The following KCNMA1 variants were observed in gnomAD, a reference collection of about 807,000 sequenced individuals.
The protein encoded by KCNMA1 is Calcium-activated potassium channel subunit alpha-1.
Under a neutral mutation model 140.0 loss-of-function variants are expected in KCNMA1, and 29 were observed. The observed-to-expected ratio is 0.21, with a 90% CI of 0.15 to 0.28. KCNMA1 has a LOEUF of 0.28. KCNMA1 is among the 10% of genes least tolerant of loss of function. The pLI is 1.00. For synonymous variants in KCNMA1, 612 were observed against 611.9 expected, an observed-to-expected ratio of 1.00 and a Z score of 0.00; for missense variants, 880 against 1,602.2, an observed-to-expected ratio of 0.55 and a Z score of 7.70.
intron 2 of KCNMA1, among the ~76,000 whole-genome samples, chr10:77,324,971 C>CTCTCTCTCTCTCTCTGTGTG (rs766240356): frequency 2.2e-5 from 2 of 90,376 alleles, no homozygotes; most frequent in Non-Finnish European, 4.3e-5. Context: ...CTCTCTCTCT[C>CTCTCTCTCTCTCTCTGTGTG]TGTGTGTGTG....
intron 1 of KCNMA1, among the ~76,000 whole-genome samples, chr10:77,602,244 C>T (rs1233019666): frequency 6.6e-6 from 1 of 152,158 alleles, no homozygotes; most frequent in East Asian, 1.9e-4. Context: ...GTTCTGAGCA[C>T]TCTCATGTCT....
chr10:77,603,922 G>A (rs1462796123), intron 1 of KCNMA1, among the ~76,000 whole-genome samples: 2 of 152,158 alleles, frequency 1.3e-5, no homozygotes, highest in African/African-American at 2.4e-5. Context: ...TCCCCTACCT[G>A]CAACATGAGG....
chr10:77,485,393 T>A (rs2098449106), intron 1 of KCNMA1, among the ~76,000 whole-genome samples: 1 of 152,230 alleles, frequency 6.6e-6, no homozygotes, highest in Non-Finnish European at 1.5e-5. Flanking sequence ...GTTTCTAATT[T>A]CTGATCATTA....
intron 5 of KCNMA1, among the ~76,000 whole-genome samples, chr10:77,164,822 C>T (rs2098618482): frequency 6.6e-6 from 1 of 152,148 alleles, no homozygotes; most frequent in Admixed American, 6.6e-5. Context: ...GAACGTGTTT[C>T]CTCCTGGGAA....
At chr10:77,573,836 C>CT (rs71028290) in intron 1 of KCNMA1, among the ~76,000 whole-genome samples, 21,373 of 133,652 alleles carry the variant, frequency 0.16, 2,166 homozygotes, top group Middle Eastern at 0.24. Context: ...TTATAATACT[C>CT]TTTTTTTTTT....
intron 1 of KCNMA1, among the ~76,000 whole-genome samples, chr10:77,620,264 C>T (rs570418397): frequency 3.5e-4 from 53 of 152,174 alleles, no homozygotes; most frequent in African/African-American, 1.2e-3. Flanking sequence ...GCCTGGCCGC[C>T]GGGCCTGGCC....
chr10:77,543,149 A>G (rs1005574883), intron 1 of KCNMA1, among the ~76,000 whole-genome samples: 7 of 152,138 alleles, frequency 4.6e-5, no homozygotes, highest in African/African-American at 1.4e-4. Flanking sequence ...CCCCTCCTAT[A>G]TCCCCTCATT....
intron 14 of KCNMA1, chr10:77,063,938 A>T (rs1163298711): frequency 1.0e-6 from 1 of 985,298 alleles, no homozygotes; most frequent in East Asian, 1.1e-4. Context: ...CACATCAGTG[A>T]CTATATCCTG....
At chr10:77,273,672 C>G (rs1376411053) in intron 2 of KCNMA1, among the ~76,000 whole-genome samples, 1 of 152,098 alleles carries the variant, frequency 6.6e-6, no homozygotes, top group Non-Finnish European at 1.5e-5. Flanking sequence ...GAGGACAGTC[C>G]TTCAGGCAGG....
At chr10:77,560,230 C>T (rs531347149) in intron 1 of KCNMA1, among the ~76,000 whole-genome samples, 4 of 152,264 alleles carry the variant, frequency 2.6e-5, no homozygotes, top group African/African-American at 9.6e-5. Context: ...TATGACCCAT[C>T]AGCAGGTCAC....
At chr10:77,336,479 A>C (rs1266792520) in intron 2 of KCNMA1, among the ~76,000 whole-genome samples, 2 of 152,200 alleles carry the variant, frequency 1.3e-5, no homozygotes, top group Non-Finnish European at 2.9e-5. Flanking sequence ...AAAAAGAAAA[A>C]TCTGGCAATG....
At chr10:77,471,159 ACACACAC>A (rs2098139657) in intron 1 of KCNMA1, among the ~76,000 whole-genome samples, 1 of 151,706 alleles carries the variant, frequency 6.6e-6, no homozygotes, top group African/African-American at 2.4e-5. Flanking sequence ...CTCACACTAC[ACACACAC>A]CACACACAAC....
intron 1 of KCNMA1, among the ~76,000 whole-genome samples, chr10:77,421,263 A>G (rs1020617704): frequency 4.1e-4 from 63 of 152,284 alleles, no homozygotes; most frequent in African/African-American, 1.4e-3. Flanking sequence ...TCCTACTCAT[A>G]TTTAAGATCT....
intron 2 of KCNMA1, among the ~76,000 whole-genome samples, chr10:77,364,258 C>T (rs2094194715): frequency 6.6e-6 from 1 of 152,058 alleles, no homozygotes; most frequent in African/African-American, 2.4e-5. Context: ...CAAGACCAGC[C>T]TGGCCAACAT....
At chr10:77,488,274 A>G (rs1052828488) in intron 1 of KCNMA1, among the ~76,000 whole-genome samples, 4 of 152,198 alleles carry the variant, frequency 2.6e-5, no homozygotes, top group Non-Finnish European at 4.4e-5. Context: ...TGTGAGGATG[A>G]GATTTCCTAG....
intron 1 of KCNMA1, among the ~76,000 whole-genome samples, chr10:77,517,217 T>C (rs555702881): frequency 1.3e-5 from 2 of 152,228 alleles, no homozygotes; most frequent in East Asian, 1.9e-4. Context: ...CCTGACCTCA[T>C]TCAAGGTGTA....
At chr10:77,055,366 C>CA (rs2095506795) in intron 14 of KCNMA1, among the ~76,000 whole-genome samples, 1 of 152,096 alleles carries the variant, frequency 6.6e-6, no homozygotes, top group Non-Finnish European at 1.5e-5. Flanking sequence ...AAGATGTGGA[C>CA]AAAAAACCTC....
At chr10:77,152,949 T>C (rs2098441283) in intron 5 of KCNMA1, among the ~76,000 whole-genome samples, 1 of 152,116 alleles carries the variant, frequency 6.6e-6, no homozygotes, top group Middle Eastern at 3.2e-3. Flanking sequence ...CCTGCTGTCA[T>C]GAGAACATGG....
chr10:77,248,010 G>C (rs1203426503), intron 3 of KCNMA1, among the ~76,000 whole-genome samples: 1 of 152,024 alleles, frequency 6.6e-6, no homozygotes, highest in Non-Finnish European at 1.5e-5. Flanking sequence ...CCCTATGCTG[G>C]GATCTGTCTT....
Sources: gnomAD v4.1 joint callset for allele counts (sites outside exome capture counted in the v4.1 genomes callset) on GRCh38, gnomAD v4.1.1 for gene constraint, MANE v1.5 for transcripts, NCBI Gene and HGNC (gene_info 2026-07-23, HGNC 2026-07-21) for gene names.